Variants in ODF2 observed in about 807,000 individuals in gnomAD.
The protein encoded by ODF2 is outer dense fiber protein 2.
Under a neutral mutation model 110.2 loss-of-function variants are expected in ODF2, and 47 were observed. That is an observed-to-expected ratio of 0.43 (90% CI 0.34 to 0.54). The LOEUF is 0.54. Ranked by LOEUF, ODF2 falls within the 20% of genes least tolerant of loss-of-function variation. The pLI, the probability that ODF2 is intolerant of heterozygous loss-of-function variation, is 0.03. For missense variants in ODF2, 812 were observed against 1,054.5 expected (o/e 0.77, Z 3.19); for synonymous variants, 352 against 397.7 (o/e 0.89, Z 1.37).
chr9:128,460,366 G>T (rs1836109611), intron 3 of ODF2, 184 bp from the exon 3 acceptor site: 2 of 1,426,560 alleles, frequency 1.4e-6, no homozygotes, highest in Admixed American at 4.5e-5. Flanking sequence ...TGGGATCTCT[G>T]CAGGAGCCTG....
intron 4 of ODF2, among the ~76,000 whole-genome samples, chr9:128,467,499 CT>C (rs1166296988): frequency 2.0e-5 from 3 of 151,972 alleles, no homozygotes; most frequent in African/African-American, 7.2e-5. Flanking sequence ...AATCCCAGCA[CT>C]TTGGGAGGCC....
At chr9:128,475,503 A>G (rs962816092) in intron 8 of ODF2, among the ~76,000 whole-genome samples, 1 of 152,236 alleles carries the variant, frequency 6.6e-6, no homozygotes, top group Non-Finnish European at 1.5e-5. Flanking sequence ...GCAATTTTCA[A>G]GTATACACAT....
intron 18 of ODF2, 27 bp from the exon 19 acceptor site, chr9:128,498,386 A>G (rs763870468): frequency 1.3e-6 from 2 of 1,541,786 alleles, no homozygotes; most frequent in Admixed American, 4.0e-5. Flanking sequence ...GGGTATGCCC[A>G]GGATCTGATT....
intron 5 of ODF2, 59 bp downstream of exon 5, chr9:128,469,412 G>A: frequency 6.4e-7 from 1 of 1,565,712 alleles, no homozygotes; most frequent in Non-Finnish European, 8.8e-7. Flanking sequence ...GAGCACCCAG[G>A]TGGATTTCCT....
Position 128,460,964 on chromosome 9 carries a change from AAG to A in ODF2, c.147_148del (p.Asp51HisfsTer56). On this transcript the variant is annotated frameshift_variant, in exon 4 of 21. Coordinates refer to ENST00000604420, the Ensembl canonical transcript of ODF2. LOFTEE classifies it high-confidence loss of function. The stretch of plus-strand genomic sequence containing the variant: ...CAGAAATCTCACAAGCGAGGAATGA[AAG>A]GGGACACTGTGAATGTGCGGCGGAG... The A allele has an allele frequency of 6.2e-7, 1 of 1,614,194 alleles. No individual in the cohort carries two copies. The highest frequency in any genetic ancestry group is 8.5e-7 in the Non-Finnish European group (1 of 1,180,030).
chr9:128,459,627 A>G (rs756373176), exon 3 of ODF2: 3 of 1,614,026 alleles, frequency 1.9e-6, no homozygotes, highest in Admixed American at 1.7e-5. Flanking sequence ...TCTTGAGAGC[A>G]CCTTGTGGCG....
At chr9:128,461,191 G>A in intron 4 of ODF2, 124 bp downstream of exon 4, 1 of 1,250,442 alleles carries the variant, frequency 8.0e-7, no homozygotes, top group East Asian at 2.6e-5. Flanking sequence ...ATTTACTGAG[G>A]GCCTTGCTAA....
intron 18 of ODF2, among the ~76,000 whole-genome samples, chr9:128,496,740 A>T (rs558393922): frequency 1.3e-5 from 2 of 151,388 alleles, no homozygotes; most frequent in Non-Finnish European, 1.5e-5. Context: ...CTATCTATCT[A>T]TCATCTATCT....
chr9:128,468,431 C>T (rs1355974056), intron 4 of ODF2, among the ~76,000 whole-genome samples: 2 of 152,162 alleles, frequency 1.3e-5, no homozygotes, highest in African/African-American at 4.8e-5. Context: ...GTGGTGCTAT[C>T]ATAGCTCACT....
rs140369982 is a variant in ODF2 at position 128,485,466 on chromosome 9, C to A, written c.1392C>A (p.Val464=). The A allele has an allele frequency of 1.9e-6, 3 of 1,560,830 alleles. No individual in the cohort carries two copies. Among genetic ancestry groups the A allele is most frequent in the African/African-American group, 1.4e-5 (1 of 73,864 alleles). Reference sequence around the variant, plus strand: ...GAGACCTTGAGCTGGAAATTATTGTCCTGAATGAGTACGTCTTAGAGTAGG... The same window carrying A: ...GAGACCTTGAGCTGGAAATTATTGTACTGAATGAGTACGTCTTAGAGTAGG... The change falls in exon 13 of 21, where the codon GTC becomes GTA. Residue 464 remains valine, a synonymous_variant. Transcript: ENST00000604420. This position sits in a 1 kb window ranked among gnomAD's most constrained non-coding sequence, Gnocchi z 5.0.
chr9:128,457,160 G>A lies in ODF2; in HGVS notation c.-208-38G>A, dbSNP rs1343119184. On this transcript the variant is annotated intron_variant, in intron 1 of 20. Coordinates refer to ENST00000604420, the Ensembl canonical transcript of ODF2. ...CTCCCCTTCCTCCCCTCTGCCCCCA[G>A]GTCGCTCAGCCTCTACTATTTCCCC... is the stretch of plus-strand genomic sequence containing the variant. 1.1e-5 allele frequency: 16 copies of A among 1,444,702 alleles called. No homozygotes were observed. In the East Asian group the frequency reaches 4.5e-4, roughly 41 times the overall value. 89.5% of individuals were successfully genotyped at this position (1,444,702 alleles called of 1,614,324 possible). A position where few individuals can be genotyped will look rare whatever the true frequency, so the allele number is the denominator to read the frequency against.
intron 14 of ODF2, 45 bp downstream of exon 14, chr9:128,488,070 C>T (rs768391758): frequency 6.2e-6 from 10 of 1,609,016 alleles, no homozygotes; most frequent in East Asian, 2.2e-5. Flanking sequence ...TGGGGCCCAG[C>T]GAGCTGATGA....
intron 8 of ODF2, among the ~76,000 whole-genome samples, chr9:128,480,997 T>A (rs1842292157): frequency 1.3e-5 from 2 of 152,042 alleles, no homozygotes; most frequent in South Asian, 4.1e-4. Flanking sequence ...TGTACAGTAT[T>A]TTCAATACAG....
intron 14 of ODF2, among the ~76,000 whole-genome samples, chr9:128,490,193 T>C (rs1160904308): frequency 6.6e-6 from 1 of 152,122 alleles, no homozygotes; most frequent in African/African-American, 2.4e-5. Flanking sequence ...CCAACAACTA[T>C]TTAGGGGATT....
chr9:128,473,092 G>A, intron 7 of ODF2, 50 bp downstream of exon 7: 2 of 1,610,938 alleles, frequency 1.2e-6, no homozygotes, highest in Non-Finnish European at 1.7e-6. Context: ...CTCGGGAGGG[G>A]GCAGCTGCAG....
At chr9:128,458,957 AC>A (rs938515239) in intron 2 of ODF2, among the ~76,000 whole-genome samples, 50 of 151,816 alleles carry the variant, frequency 3.3e-4, no homozygotes, top group African/African-American at 1.1e-3. Flanking sequence ...TGATTCTCCC[AC>A]CTCAGCCTCC....
upstream of ODF2, chr9:128,456,102 T>G (rs940334941): frequency 6.5e-7 from 1 of 1,544,280 alleles, no homozygotes; most frequent in Non-Finnish European, 8.7e-7. Flanking sequence ...ATGGGCGAGC[T>G]GCCGACCGGG....
intron 5 of ODF2, 91 bp from the exon 6 acceptor site, chr9:128,471,217 G>A (rs1839929179): frequency 7.4e-7 from 1 of 1,344,726 alleles, no homozygotes; most frequent in African/African-American, 1.5e-5. Context: ...CCCGGCCGGG[G>A]CCTTATTTTG....
chr9:128,496,010 T>G, intron 17 of ODF2, 31 bp from the exon 18 acceptor site: 2 of 1,612,558 alleles, frequency 1.2e-6, no homozygotes, highest in Non-Finnish European at 1.7e-6. Context: ...GAAATTCCTT[T>G]GTAAACCAGT....
Sources: allele counts gnomAD v4.1 joint callset (sites outside exome capture counted in the v4.1 genomes callset), GRCh38; gene constraint gnomAD v4.1.1; non-coding constraint Gnocchi (gnomAD v3.1); transcripts MANE v1.5; gene names NCBI Gene and HGNC (gene_info 2026-07-23, HGNC 2026-07-21).